The following LYPLAL1 variants were observed in gnomAD, a reference collection of about 807,000 sequenced individuals.
LYPLAL1 encodes lysophospholipase-like protein 1.
In LYPLAL1, 23 loss-of-function variants were observed where a neutral mutation model predicts 19.7. The observed-to-expected ratio is 1.17, with a 90% CI of 0.84 to 1.65. The LOEUF is 1.65. Among genes scored for constraint, LYPLAL1 ranks in the 40% most tolerant of loss-of-function variants. The pLI is 0.00. For missense variants in LYPLAL1, 355 were observed against 279.4 expected, an observed-to-expected ratio of 1.27 and a Z score of -1.93; for synonymous variants, 119 against 96.3, an observed-to-expected ratio of 1.24 and a Z score of -1.38.
the LYPLAL1 span, among the ~76,000 whole-genome samples, chr1:219,400,499 CTTT>C: frequency 6.9e-6 from 1 of 144,284 alleles, no homozygotes; most frequent in Non-Finnish European, 1.5e-5. Context: ...GTCTATCTAT[CTTT>C]TTTTTTTTTT....
chr1:219,319,160 A>T, the LYPLAL1 span, among the ~76,000 whole-genome samples: 1 of 152,222 alleles, frequency 6.6e-6, no homozygotes, highest in Non-Finnish European at 1.5e-5. Flanking sequence ...TGCAGAAAGT[A>T]AGGACTGGAG....
the LYPLAL1 span, among the ~76,000 whole-genome samples, chr1:219,281,797 G>A: frequency 1.3e-5 from 2 of 152,250 alleles, no homozygotes; most frequent in Middle Eastern, 3.4e-3. Context: ...ACAGAAATTA[G>A]ATTTTTTCTT....
chr1:219,303,455 T>C, the LYPLAL1 span, among the ~76,000 whole-genome samples: 1 of 152,186 alleles, frequency 6.6e-6, no homozygotes, highest in African/African-American at 2.4e-5. Context: ...GGCTTGGGAA[T>C]CCCCAAGACA....
chr1:219,199,882 C>A (rs1657949298), intron 3 of LYPLAL1: 3 of 223,934 alleles, frequency 1.3e-5, no homozygotes, highest in South Asian at 1.6e-4. Context: ...TAAGGTCCAT[C>A]TGAAGGAAAA....
At chr1:219,432,029 A>G in the LYPLAL1 span, among the ~76,000 whole-genome samples, 1 of 152,248 alleles carries the variant, frequency 6.6e-6, no homozygotes, top group Non-Finnish European at 1.5e-5. Context: ...ACTATATTTC[A>G]TTGTTAATAA....
At chr1:219,416,523 AAAGACACTGCAC>A in the LYPLAL1 span, among the ~76,000 whole-genome samples, 8,193 of 152,302 alleles carry the variant, frequency 0.054, 308 homozygotes, top group Middle Eastern at 0.11. Flanking sequence ...GGGCCAACTC[AAAGACACTGCAC>A]CCAGAGTCAG....
At chr1:219,233,615 A>T in the LYPLAL1 span, among the ~76,000 whole-genome samples, 4 of 152,050 alleles carry the variant, frequency 2.6e-5, no homozygotes, top group South Asian at 2.1e-4. Flanking sequence ...AAAAAAATTT[A>T]AAAAATAACT....
At chr1:219,319,576 A>G in the LYPLAL1 span, among the ~76,000 whole-genome samples, 4 of 152,126 alleles carry the variant, frequency 2.6e-5, no homozygotes, top group African/African-American at 4.8e-5. Flanking sequence ...CTCTTTCCCA[A>G]TCTCTAGTAC....
chr1:219,336,695 T>G, the LYPLAL1 span, among the ~76,000 whole-genome samples: 1 of 152,030 alleles, frequency 6.6e-6, no homozygotes, highest in Non-Finnish European at 1.5e-5. Flanking sequence ...TTGGAGGTAA[T>G]GATATCAAAG....
At chr1:219,193,418 A>G in intron 3 of LYPLAL1, 167 bp downstream of exon 3, 1 of 405,530 alleles carries the variant, frequency 2.5e-6, no homozygotes, top group South Asian at 9.4e-5. Context: ...AGAATTATAA[A>G]CAGCAGCGCA....
the LYPLAL1 span, among the ~76,000 whole-genome samples, chr1:219,375,433 T>G: frequency 7.4e-6 from 1 of 135,586 alleles, no homozygotes; most frequent in Non-Finnish European, 1.5e-5. Flanking sequence ...AGCACTGCAC[T>G]CGAGCCAGGA....
chr1:219,381,503 C>T, the LYPLAL1 span, among the ~76,000 whole-genome samples: 5 of 152,142 alleles, frequency 3.3e-5, no homozygotes, highest in African/African-American at 4.8e-5. Flanking sequence ...CATATATACG[C>T]TCTTAGTGGG....
chr1:219,344,585 C>G, the LYPLAL1 span, among the ~76,000 whole-genome samples: 4 of 152,206 alleles, frequency 2.6e-5, no homozygotes, highest in Non-Finnish European at 4.4e-5. Flanking sequence ...CTTGACATCT[C>G]TCCCAAATTA....
chr1:219,364,613 A>G, the LYPLAL1 span, among the ~76,000 whole-genome samples: 1 of 152,204 alleles, frequency 6.6e-6, no homozygotes, highest in Admixed American at 6.6e-5. Context: ...TGCAAACTCC[A>G]TAGTGTGGCA....
the LYPLAL1 span, among the ~76,000 whole-genome samples, chr1:219,334,183 G>A: frequency 6.6e-6 from 1 of 151,926 alleles, no homozygotes; most frequent in Admixed American, 6.6e-5. Context: ...TGAAAAAGGA[G>A]AGAGAATACA....
chr1:219,247,613 G>T, the LYPLAL1 span, among the ~76,000 whole-genome samples: 1 of 152,184 alleles, frequency 6.6e-6, no homozygotes, highest in South Asian at 2.1e-4. Context: ...AGCTTTGCAT[G>T]CTTTCTGTGG....
At position 219,211,472 on chromosome 1, in the gene LYPLAL1, C is replaced by G. The variant is rs1363009034; in HGVS notation, c.478-20C>G. The G allele has an allele frequency of 6.9e-7, 1 of 1,449,038 alleles. No individual in the cohort carries two copies. The highest frequency in any genetic ancestry group is 1.4e-5 in the African/African-American group (1 of 70,026). 89.8% of individuals were successfully genotyped at this position (1,449,038 alleles called of 1,614,324 possible). On this transcript the variant is annotated intron_variant, in intron 4 of 4. Transcript: ENST00000366928. ...AATGGAATTTCTTAAACTTTTCTGT[C>G]TTTGTATCTTCTTCTCTAGGCTCTT...
downstream of LYPLAL1, among the ~76,000 whole-genome samples, chr1:219,216,267 T>G (rs192567845): frequency 6.6e-6 from 1 of 152,254 alleles, no homozygotes; most frequent in Non-Finnish European, 1.5e-5. Context: ...AAGGGTAGTA[T>G]TTTGTTGGTC....
chr1:219,211,671 C>G lies in LYPLAL1; in HGVS notation c.657C>G (p.Asp219Glu). Reference protein sequence around the residue: ...VYHELSKTELDILKLWILTKL... With the variant: ...VYHELSKTELEILKLWILTKL... ...ATGAGCTAAGCAAAACTGAGTTAGA[C>G]ATATTGAAGTTATGGATTCTTACAA... The change falls in exon 5 of 5, where the codon GAC becomes GAG. Residue 219 changes from aspartate to glutamate, a missense_variant. Asp to Glu is a conservative substitution (Grantham distance 45, BLOSUM62 2). Transcript: ENST00000366928. 1 of 1,612,876 alleles carries G rather than the reference C, an allele frequency of 6.2e-7. No individual in the cohort carries two copies. Among genetic ancestry groups the G allele is most frequent in the Non-Finnish European group, 8.5e-7 (1 of 1,179,384 alleles).
Sources: allele counts gnomAD v4.1 joint callset (sites outside exome capture counted in the v4.1 genomes callset), GRCh38; gene constraint gnomAD v4.1.1; transcripts MANE v1.5; gene names NCBI Gene and HGNC (gene_info 2026-07-23, HGNC 2026-07-21).